Variants in LPP observed in about 807,000 individuals in gnomAD.
The protein encoded by LPP is LIM domain containing preferred translocation partner in lipoma.
Under a neutral mutation model 60.4 loss-of-function variants are expected in LPP, and 38 were observed. The ratio of observed to expected loss-of-function variants is 0.63; its 90% confidence interval spans 0.49 to 0.83. LPP has a LOEUF of 0.83. LPP is among the 40% of genes least tolerant of loss of function. The pLI is 0.00. For synonymous variants in LPP, 328 were observed against 290.8 expected (o/e 1.13, Z -1.30); for missense variants, 902 against 783.6 (o/e 1.15, Z -1.80).
At chr3:188,321,805 G>A (rs1329303197) in intron 2 of LPP, among the ~76,000 whole-genome samples, 2 of 152,122 alleles carry the variant, frequency 1.3e-5, no homozygotes, top group African/African-American at 4.8e-5. Flanking sequence ...GGCATTTGTT[G>A]AAAACCAAAA....
chr3:188,734,325 A>G (rs969303441), intron 8 of LPP, among the ~76,000 whole-genome samples: 6 of 152,198 alleles, frequency 3.9e-5, no homozygotes, highest in African/African-American at 1.4e-4. Flanking sequence ...CTATTTTTTA[A>G]TTTGAAAGAA....
intron 9 of LPP, among the ~76,000 whole-genome samples, chr3:188,781,615 C>G (rs569625243): frequency 5.0e-4 from 76 of 151,700 alleles, no homozygotes; most frequent in African/African-American, 1.7e-3. Flanking sequence ...TCGGTGCGGT[C>G]GCTCACACCT....
At chr3:188,554,901 AAG>A (rs1829098958) in intron 6 of LPP, among the ~76,000 whole-genome samples, 1 of 152,172 alleles carries the variant, frequency 6.6e-6, no homozygotes, top group Non-Finnish European at 1.5e-5. Context: ...ATTTTCTTAA[AAG>A]AGTTTATATT....
intron 1 of LPP, among the ~76,000 whole-genome samples, chr3:188,205,678 T>C (rs766017525): frequency 4.6e-5 from 7 of 152,306 alleles, no homozygotes; most frequent in Non-Finnish European, 8.8e-5. Context: ...CTGGTGAAAA[T>C]GCAGAGCTGC....
chr3:188,860,602 G>A (rs1030437648), intron 9 of LPP, among the ~76,000 whole-genome samples: 5 of 151,138 alleles, frequency 3.3e-5, no homozygotes, highest in African/African-American at 1.2e-4. Context: ...TGCCAGTTGA[G>A]AAGTTCTAGA....
At chr3:188,577,749 CTTCG>C (rs765068395) in intron 6 of LPP, among the ~76,000 whole-genome samples, 14,893 of 69,888 alleles carry the variant, frequency 0.21, 1,414 homozygotes, top group Admixed American at 0.37. Context: ...TCCTTTGTTC[CTTCG>C]TTCCTTCGTT....
At chr3:188,714,054 G>A (rs1241014505) in intron 8 of LPP, among the ~76,000 whole-genome samples, 1 of 152,158 alleles carries the variant, frequency 6.6e-6, no homozygotes. Flanking sequence ...CAGACCTGGC[G>A]ATGATGTCTT....
chr3:188,837,382 C>CATCATCATAATA (rs370487700), intron 9 of LPP, among the ~76,000 whole-genome samples: 2 of 140,394 alleles, frequency 1.4e-5, no homozygotes, highest in Non-Finnish European at 3.1e-5. Flanking sequence ...CCATCTCAAA[C>CATCATCATAATA]ATAATAATAA....
Position 188,218,940 on chromosome 3 carries a change from A to C in LPP, c.-189-6465A>C, listed in dbSNP as rs185063429. 5.4e-4 allele frequency among the ~76,000 whole-genome samples: 82 copies of C among 152,286 alleles called. 1 individual carries two copies. The East Asian group carries it at 0.012, about 23-fold the overall frequency. On this transcript the variant is annotated intron_variant, in intron 1 of 11. Coordinates refer to ENST00000617246, the MANE Select transcript of LPP (RefSeq NM_001375462.1). ...CAATTTGGCACAAAAAGATGTAATGACTTGCCTGGGGAATACAGCTCAATT... is the reference window on the plus strand; with the variant it reads ...CAATTTGGCACAAAAAGATGTAATGCCTTGCCTGGGGAATACAGCTCAATT...
chr3:188,874,007 T>G (rs187765590), intron 11 of LPP, among the ~76,000 whole-genome samples: 37 of 152,064 alleles, frequency 2.4e-4, no homozygotes, highest in Admixed American at 2.1e-3. Flanking sequence ...GTTAGGGACA[T>G]TCTTATTTTC....
At chr3:188,478,956 G>A (rs904947426) in intron 4 of LPP, among the ~76,000 whole-genome samples, 1 of 152,012 alleles carries the variant, frequency 6.6e-6, no homozygotes, top group Non-Finnish European at 1.5e-5. Flanking sequence ...GTTTCACTCT[G>A]TTGCCCAGGC....
chr3:188,773,982 G>A (rs952188639), intron 9 of LPP, among the ~76,000 whole-genome samples: 1 of 152,152 alleles, frequency 6.6e-6, no homozygotes, highest in African/African-American at 2.4e-5. Flanking sequence ...ACCCCCAACA[G>A]ACAAGTGGAG....
chr3:188,555,522 A>G (rs1354405336), intron 6 of LPP, among the ~76,000 whole-genome samples: 3 of 152,052 alleles, frequency 2.0e-5, no homozygotes, highest in African/African-American at 7.2e-5. Flanking sequence ...TTCTGGATAT[A>G]TTTCCATTGC....
At position 188,886,996 on chromosome 3, in the gene LPP, T is replaced by G; in HGVS notation, c.*12517T>G. 6 of 231,558 alleles carry G rather than the reference T, an allele frequency of 2.6e-5. No individual in the cohort carries two copies. Among genetic ancestry groups the G allele is most frequent in the Non-Finnish European group, 4.3e-5 (5 of 116,978 alleles). The allele number at this position is 231,558 out of a possible 1,614,324, so 14.3% of individuals were successfully genotyped here. A position where few individuals can be genotyped will look rare whatever the true frequency, so the allele number is the denominator to read the frequency against. ...TATCTCTCATGCGTGATTCTCTCTT[T>G]ATATTTCTATCTGTTGGGAAAAGGG... is the stretch of plus-strand genomic sequence containing the variant. On this transcript the variant is annotated 3_prime_UTR_variant, in exon 12 of 12. Coordinates refer to ENST00000617246, the MANE Select transcript of LPP (RefSeq NM_001375462.1).
At chr3:188,566,480 G>A (rs1832200768) in intron 6 of LPP, among the ~76,000 whole-genome samples, 1 of 151,730 alleles carries the variant, frequency 6.6e-6, no homozygotes, top group South Asian at 2.1e-4. Flanking sequence ...TATCTTAACT[G>A]TGATCAGCCT....
chr3:188,868,956 C>G (rs1767379786), intron 10 of LPP, among the ~76,000 whole-genome samples: 1 of 152,170 alleles, frequency 6.6e-6, no homozygotes, highest in South Asian at 2.1e-4. Flanking sequence ...AGAAAGTGTG[C>G]AGACAGGGAG....
intron 7 of LPP, among the ~76,000 whole-genome samples, chr3:188,695,406 G>A (rs967020861): frequency 5.3e-5 from 8 of 152,148 alleles, no homozygotes; most frequent in African/African-American, 1.7e-4. Context: ...GAATAACACT[G>A]AGTCATTCAT....
At chr3:188,376,916 C>G (rs1055424879) in intron 3 of LPP, among the ~76,000 whole-genome samples, 9 of 152,180 alleles carry the variant, frequency 5.9e-5, no homozygotes, top group African/African-American at 2.2e-4. Flanking sequence ...GACAAAATCT[C>G]TCAGCATTTG....
chr3:188,421,812 T>C (rs1002063336), intron 4 of LPP, among the ~76,000 whole-genome samples: 3 of 152,174 alleles, frequency 2.0e-5, no homozygotes, highest in Non-Finnish European at 4.4e-5. Flanking sequence ...AACTTGATTT[T>C]ATTATAAACA....
Sources: gnomAD v4.1 joint callset for allele counts (sites outside exome capture counted in the v4.1 genomes callset) on GRCh38, gnomAD v4.1.1 for gene constraint, MANE v1.5 for transcripts, NCBI Gene and HGNC (gene_info 2026-07-23, HGNC 2026-07-21) for gene names.